The following RASAL2 variants were observed in gnomAD, a reference collection of about 807,000 sequenced individuals.
The protein encoded by RASAL2 is ras GTPase-activating protein nGAP.
In RASAL2, 58 loss-of-function variants were observed where a neutral mutation model predicts 128.9. The observed-to-expected ratio is 0.45, with a 90% CI of 0.36 to 0.56. The LOEUF is 0.56. RASAL2 is among the 20% of genes least tolerant of loss of function. The pLI is 0.00. For synonymous variants in RASAL2, 561 were observed against 580.8 expected (o/e 0.97, Z 0.49); for missense variants, 1,360 against 1,601.6 (o/e 0.85, Z 2.57).
chr1:178,391,706 G>A (rs1451047244), intron 4 of RASAL2, among the ~76,000 whole-genome samples: 5 of 152,136 alleles, frequency 3.3e-5, no homozygotes, highest in Non-Finnish European at 7.4e-5. Flanking sequence ...TTAACTTAGA[G>A]TTGTTTATGC....
chr1:178,428,251 T>TA (rs1323120113), intron 5 of RASAL2, among the ~76,000 whole-genome samples: 7 of 152,080 alleles, frequency 4.6e-5, no homozygotes, highest in African/African-American at 1.7e-4. Flanking sequence ...AACAGTTAGA[T>TA]ACAGGTTTTT....
rs552757927 is a variant in RASAL2, at chr1:178,202,856, G to C, written c.203-80708G>C. ...CAGCCACCTGTGTCATTGCCCAATG[G>C]GCCCATGAACAAAGTGGTCATGGTG... On this transcript the variant is annotated intron_variant, in intron 1 of 17. Transcript: ENST00000367649. 2.0e-5 allele frequency among the ~76,000 whole-genome samples: 3 copies of C among 152,308 alleles called. No homozygotes were observed. In the South Asian group the frequency reaches 6.2e-4, roughly 32 times the overall value.
intron 5 of RASAL2, among the ~76,000 whole-genome samples, chr1:178,428,666 T>A (rs1039109205): frequency 2.6e-5 from 4 of 151,988 alleles, no homozygotes; most frequent in Admixed American, 2.6e-4. Context: ...CATAGCTCAC[T>A]GTAACCTTGA....
chr1:178,344,463 C>A (rs563888038), intron 3 of RASAL2, among the ~76,000 whole-genome samples: 42 of 152,308 alleles, frequency 2.8e-4, no homozygotes, highest in African/African-American at 9.9e-4. Context: ...ATTCTTTACT[C>A]ATGAAAGTTA....
At chr1:178,438,412 C>A (rs1193141615) in intron 5 of RASAL2, among the ~76,000 whole-genome samples, 1 of 151,780 alleles carries the variant, frequency 6.6e-6, no homozygotes, top group African/African-American at 2.4e-5. Flanking sequence ...CAAGGCATTT[C>A]TTTTTATCCT....
intron 2 of RASAL2, among the ~76,000 whole-genome samples, chr1:178,289,212 G>C (rs916647776): frequency 7.2e-5 from 11 of 152,020 alleles, no homozygotes; most frequent in African/African-American, 2.4e-4. Context: ...TCTGTTAATG[G>C]CATTTAGTAG....
In RASAL2 at chr1:178,458,056, T is replaced by C. The variant is rs1269789472; in HGVS notation, c.2764T>C (p.Phe922Leu). Residue 922 changes from phenylalanine to leucine, a missense_variant, in exon 14 of 18, where the codon TTC becomes CTC. Around this residue, in one of 3 missense-constraint regions of RASAL2, gnomAD observed 741 missense variants for 868.6 expected, o/e 0.85. Coordinates refer to ENST00000367649, the MANE Select transcript of RASAL2 (RefSeq NM_170692.4). ...NQPGGLQPLS[F>L]QNPVYHLNNP... ...GCCAGGTGGCCTTCAGCCCTTGTCGTTCCAGAACCCTGTCTATCACCTCAA... is the reference window on the plus strand; with the variant it reads ...GCCAGGTGGCCTTCAGCCCTTGTCGCTCCAGAACCCTGTCTATCACCTCAA... 1.7e-5 allele frequency: 28 copies of C among 1,614,160 alleles called. No individual in the cohort carries two copies. The highest frequency in any genetic ancestry group is 2.3e-5 in the Non-Finnish European group (27 of 1,180,040).
intron 1 of RASAL2, among the ~76,000 whole-genome samples, chr1:178,139,719 G>GT (rs952564927): frequency 1.3e-4 from 19 of 148,296 alleles, no homozygotes; most frequent in East Asian, 5.9e-4. Context: ...GTTGTCATAA[G>GT]TTTTTTTTTT....
chr1:178,366,998 T>C (rs537111219), intron 3 of RASAL2, among the ~76,000 whole-genome samples: 7 of 152,292 alleles, frequency 4.6e-5, no homozygotes, highest in African/African-American at 1.7e-4. Context: ...TAAATAGTAG[T>C]AATGGCTACA....
chr1:178,253,300 A>G (rs1488496980), intron 1 of RASAL2, among the ~76,000 whole-genome samples: 2 of 152,178 alleles, frequency 1.3e-5, no homozygotes, highest in African/African-American at 2.4e-5. Context: ...CCGTACTCCA[A>G]TATGACTTTA....
At chr1:178,384,659 G>C (rs924802458) in intron 3 of RASAL2, among the ~76,000 whole-genome samples, 1 of 143,028 alleles carries the variant, frequency 7.0e-6, no homozygotes, top group Non-Finnish European at 1.5e-5. Flanking sequence ...CTGAGTCCAT[G>C]TCTCAAAAAA....
At chr1:178,152,431 G>C (rs1260279558) in intron 1 of RASAL2, among the ~76,000 whole-genome samples, 1 of 152,158 alleles carries the variant, frequency 6.6e-6, no homozygotes, top group Non-Finnish European at 1.5e-5. Context: ...TGAATATGAA[G>C]AGGTTGTTGT....
At chr1:178,413,435 CAG>C (rs1674543749) in intron 4 of RASAL2, among the ~76,000 whole-genome samples, 1 of 152,184 alleles carries the variant, frequency 6.6e-6, no homozygotes, top group South Asian at 2.1e-4. Flanking sequence ...TCCAGAAACA[CAG>C]ACTCATTAAA....
intron 1 of RASAL2, among the ~76,000 whole-genome samples, chr1:178,268,984 A>T (rs920742306): frequency 6.6e-6 from 1 of 152,114 alleles, no homozygotes; most frequent in Non-Finnish European, 1.5e-5. Context: ...TTTACTTTCT[A>T]TTATGAACTG....
intron 1 of RASAL2, among the ~76,000 whole-genome samples, chr1:178,102,062 C>A: frequency 6.6e-6 from 1 of 151,408 alleles, no homozygotes. Context: ...ATTATGCATA[C>A]TTTTTTTGGT....
chr1:178,457,838 C>T lies in RASAL2; in HGVS notation c.2546C>T (p.Ser849Phe). ...AGCCTTCCTAATGGTCGGAGCGTCT[C>T]CCTCATGGACCTCCAGGACACTCAT... ...ESSLPNGRSVSLMDLQDTHAA... is the reference protein window; with the variant it reads ...ESSLPNGRSVFLMDLQDTHAA... The change falls in exon 14 of 18, where the codon TCC (serine) becomes TTC (phenylalanine). Residue 849 changes from serine to phenylalanine, a missense_variant. Around this residue, in one of 3 missense-constraint regions of RASAL2, gnomAD observed 741 missense variants for 868.6 expected, o/e 0.85. Transcript: ENST00000367649. The T allele has an allele frequency of 1.2e-6, 2 of 1,614,222 alleles. No individual in the cohort carries two copies. The highest frequency in any genetic ancestry group is 1.7e-6 in the Non-Finnish European group (2 of 1,180,040).
intron 1 of RASAL2, among the ~76,000 whole-genome samples, chr1:178,244,914 T>G (rs535105763): frequency 6.6e-6 from 1 of 152,232 alleles, no homozygotes; most frequent in Non-Finnish European, 1.5e-5. Context: ...ACTCGTTCTT[T>G]TTCATGGCTG....
chr1:178,133,012 G>T (rs1406382507), intron 1 of RASAL2, among the ~76,000 whole-genome samples: 1 of 152,064 alleles, frequency 6.6e-6, no homozygotes, highest in Admixed American at 6.6e-5. Flanking sequence ...TGATCCACCC[G>T]CCTCGGCCTC....
intron 1 of RASAL2, among the ~76,000 whole-genome samples, chr1:178,114,667 G>A (rs765766207): frequency 7.2e-5 from 11 of 151,944 alleles, no homozygotes; most frequent in Non-Finnish European, 1.5e-4. Context: ...GACTACAGGC[G>A]CCCACCACCA....
Sources: allele counts gnomAD v4.1 joint callset (sites outside exome capture counted in the v4.1 genomes callset), GRCh38; gene constraint gnomAD v4.1.1; regional missense constraint gnomAD v4.1.1; transcripts MANE v1.5; gene names NCBI Gene and HGNC (gene_info 2026-07-23, HGNC 2026-07-21).